The following SYTL2 variants were observed in gnomAD, a reference collection of about 807,000 sequenced individuals.
SYTL2 encodes the protein synaptotagmin-like protein 2.
SYTL2 carries 165 observed loss-of-function variants against 198.7 expected under a neutral mutation model. The ratio of observed to expected loss-of-function variants is 0.83; its 90% confidence interval spans 0.73 to 0.94. The LOEUF is 0.94. Among genes scored for constraint, SYTL2 ranks in the 40% least tolerant of loss-of-function variants. SYTL2 has a pLI of 0.00. For synonymous variants in SYTL2, 966 were observed against 917.7 expected (o/e 1.05, Z -0.95); for missense variants, 2,835 against 2,582.8 (o/e 1.10, Z -2.12).
chr11:85,841,627 C>T, the SYTL2 span, among the ~76,000 whole-genome samples: 1 of 152,066 alleles, frequency 6.6e-6, no homozygotes, highest in Non-Finnish European at 1.5e-5. Context: ...GATGAGAACA[C>T]ATGGACACAT....
chr11:85,797,137 T>C (rs992115712), intron 1 of SYTL2, among the ~76,000 whole-genome samples: 3 of 152,178 alleles, frequency 2.0e-5, no homozygotes, highest in East Asian at 1.9e-4. Flanking sequence ...GCTGAATAGC[T>C]AGGACTACAG....
intron 11 of SYTL2, among the ~76,000 whole-genome samples, chr11:85,715,691 A>T (rs2087096641): frequency 6.6e-6 from 1 of 152,170 alleles, no homozygotes; most frequent in African/African-American, 2.4e-5. Context: ...ATCAGAATGC[A>T]TTTATGGTGT....
In SYTL2 at chr11:85,724,120, C is replaced by G; in HGVS notation, c.5238G>C (p.Glu1746Asp). The change falls in exon 8 of 20, where the codon GAG (glutamate) becomes GAC (aspartate). Residue 1746 changes from glutamate (E) to aspartate (D), a missense_variant. Glu to Asp is a conservative substitution (Grantham distance 45). Transcript: ENST00000359152. The stretch of plus-strand genomic sequence containing the variant: ...AGAAACCTTCTTTTTCTTCCTCTTT[C>G]TCTTGTTTCATATATGGCGATGCTA... ...LTLASPYMKQ[E>D]KEEEKEGFSE... The G allele has an allele frequency of 1.3e-6, 2 of 1,591,644 alleles. No individual in the cohort carries two copies. Among genetic ancestry groups the G allele is most frequent in the Non-Finnish European group, 1.7e-6 (2 of 1,174,360 alleles).
chr11:85,753,312 T>A lies in SYTL2; in HGVS notation c.101+4313A>T, dbSNP rs117346619. On this transcript the variant is annotated intron_variant, in intron 2 of 19. Coordinates refer to ENST00000359152, the MANE Select transcript of SYTL2 (RefSeq NM_206927.4). ...ACCCTGATGTCTCCTTCACTGCTGG[T>A]CTGTGAAATGTCTCCACATGGGAGT... Among the ~76,000 whole-genome samples, 816 of 152,272 alleles carry A rather than the reference T, an allele frequency of 5.4e-3. 3 individuals are homozygous for A. The highest frequency in any genetic ancestry group is 6.8e-3 in the Non-Finnish European group (463 of 68,022).
upstream of SYTL2, among the ~76,000 whole-genome samples, chr11:85,814,772 A>C (rs1293094521): frequency 6.6e-6 from 1 of 152,198 alleles, no homozygotes; most frequent in African/African-American, 2.4e-5. Context: ...TGGTAGCATA[A>C]GCTAGGTGTG....
chr11:85,724,809 C>A lies in SYTL2; in HGVS notation c.4549G>T (p.Glu1517Ter), dbSNP rs199610869. Residue 1517 changes from glutamate to a stop codon, truncating the protein, a stop_gained, in exon 8 of 20, where the codon GAA becomes TAA. Coordinates refer to ENST00000359152, the MANE Select transcript of SYTL2 (RefSeq NM_206927.4). LOFTEE classifies it high-confidence loss of function. ...EETETFPSKY[E>*]SDTGNLSPSK... ...GGAGAAAGATTCCCTGTATCACTTTCATATTTTGAGGGGAAGGTTTCAGTT... is the reference window on the plus strand; with the variant it reads ...GGAGAAAGATTCCCTGTATCACTTTAATATTTTGAGGGGAAGGTTTCAGTT... 7.0e-5 allele frequency: 113 copies of A among 1,613,304 alleles called. 1 individual carries two copies. Among genetic ancestry groups the A allele is most frequent in the Non-Finnish European group, 9.5e-5 (112 of 1,179,784 alleles).
intron 1 of SYTL2, among the ~76,000 whole-genome samples, chr11:85,764,161 T>A (rs763476844): frequency 1.3e-5 from 2 of 152,144 alleles, no homozygotes; most frequent in Non-Finnish European, 2.9e-5. Flanking sequence ...CCCTTGCACA[T>A]AATAGTTTAC....
At chr11:85,763,478 C>T (rs765017307) in intron 1 of SYTL2, among the ~76,000 whole-genome samples, 37 of 152,140 alleles carry the variant, frequency 2.4e-4, no homozygotes, top group Non-Finnish European at 4.4e-4. Flanking sequence ...AAATTCTAAT[C>T]CCAGGTTAAA....
In SYTL2 at chr11:85,714,398, A is replaced by G. The variant is rs369961030; in HGVS notation, c.5625+15T>C. On this transcript the variant is annotated intron_variant, in intron 12 of 19. Coordinates refer to ENST00000359152, the MANE Select transcript of SYTL2 (RefSeq NM_206927.4). ...TCTGTCTCCATTTTTCTGAAGGTAC[A>G]AAAGACAAACTTGCCTCATCTTGGA... 8.1e-6 allele frequency: 13 copies of G among 1,602,398 alleles called. No homozygotes were observed. Among genetic ancestry groups the G allele is most frequent in the East Asian group, 2.2e-5 (1 of 44,798 alleles).
the SYTL2 span, among the ~76,000 whole-genome samples, chr11:85,827,519 T>G: frequency 2.0e-5 from 3 of 152,140 alleles, no homozygotes; most frequent in Non-Finnish European, 4.4e-5. Context: ...CACTCTCTGC[T>G]CCCCTCCATG....
intron 1 of SYTL2, among the ~76,000 whole-genome samples, chr11:85,759,891 T>C (rs536944437): frequency 1.3e-5 from 2 of 152,312 alleles, no homozygotes; most frequent in South Asian, 2.1e-4. Flanking sequence ...ATAACTTCCA[T>C]ACCCCAAGTT....
chr11:85,843,530 C>T, the SYTL2 span, among the ~76,000 whole-genome samples: 2 of 151,914 alleles, frequency 1.3e-5, no homozygotes, highest in East Asian at 1.9e-4. Flanking sequence ...GGGCATGGTG[C>T]GACTGTGAGC....
At chr11:85,733,036 C>T (rs916927066) in intron 7 of SYTL2, among the ~76,000 whole-genome samples, 1 of 152,132 alleles carries the variant, frequency 6.6e-6, no homozygotes. Flanking sequence ...ACCCTCATTG[C>T]CTCTCAACTC....
At chr11:85,741,646 C>T (rs1006575610) in intron 4 of SYTL2, among the ~76,000 whole-genome samples, 75 of 152,200 alleles carry the variant, frequency 4.9e-4, no homozygotes, top group African/African-American at 1.6e-3. Flanking sequence ...ATTGGCTCAT[C>T]TCTACCCTGC....
At chr11:85,774,725 T>G (rs139936527) in intron 1 of SYTL2, among the ~76,000 whole-genome samples, 167 of 152,350 alleles carry the variant, frequency 1.1e-3, no homozygotes, top group African/African-American at 3.9e-3. Context: ...TCCTATACCC[T>G]CATGAACAAC....
rs987070809 is a variant in SYTL2, at chr11:85,727,534, A to G, written c.1824T>C (p.Asn608=). ...TCATGAATTTGGATTTGATATTCAC[A>G]TTATTATCTTGGCAACTTTCAGAAA... ...MLVSESCQDN[N]VNIKSKFMNL... is the part of the protein sequence containing the mutation. The change falls in exon 8 of 20, where the codon AAT becomes AAC. Residue 608 remains asparagine, a synonymous_variant. Coordinates refer to ENST00000359152, the MANE Select transcript of SYTL2 (RefSeq NM_206927.4). 7 of 1,536,054 alleles carry G rather than the reference A, an allele frequency of 4.6e-6. No individual in the cohort carries two copies. The highest frequency in any genetic ancestry group is 6.1e-6 in the Non-Finnish European group (7 of 1,146,876).
chr11:85,833,729 C>CTTTTTTTTTTTTTTTTTTT, the SYTL2 span, among the ~76,000 whole-genome samples: 1 of 121,164 alleles, frequency 8.3e-6, no homozygotes, highest in Non-Finnish European at 1.7e-5. Context: ...TCGAAGATTT[C>CTTTTTTTTTTTTTTTTTTT]TTTTTTTTTT....
At chr11:85,776,578 C>CTCA (rs2092455485) in intron 1 of SYTL2, among the ~76,000 whole-genome samples, 1 of 152,236 alleles carries the variant, frequency 6.6e-6, no homozygotes, top group African/African-American at 2.4e-5. Flanking sequence ...AGGACATGAA[C>CTCA]TCATCCCTTT....
rs758549747 is a variant in SYTL2 at position 85,730,148 on chromosome 11, G to A, written c.1391-2181C>T. 6.6e-5 allele frequency among the ~76,000 whole-genome samples: 10 copies of A among 152,234 alleles called. 1 individual carries two copies. Among genetic ancestry groups the A allele is most frequent in the Admixed American group, 2.6e-4 (4 of 15,286 alleles). On this transcript the variant is annotated intron_variant, in intron 7 of 19. Coordinates refer to ENST00000359152, the MANE Select transcript of SYTL2 (RefSeq NM_206927.4). ...TCCAGGACCAGATGGATTCACAGCC[G>A]AATTCTACCGGAGGTACAAAGAGGA... is the stretch of plus-strand genomic sequence containing the variant.
Sources: gnomAD v4.1 joint callset for allele counts (sites outside exome capture counted in the v4.1 genomes callset) on GRCh38, gnomAD v4.1.1 for gene constraint, MANE v1.5 for transcripts, NCBI Gene and HGNC (gene_info 2026-07-23, HGNC 2026-07-21) for gene names.